RBM27: variants seen among roughly 807,000 people sequenced by gnomAD.
RBM27 encodes RNA-binding protein 27.
A neutral mutation model predicts 135.3 loss-of-function variants in RBM27; 22 were observed. The ratio of observed to expected loss-of-function variants is 0.16; its 90% CI spans 0.12 to 0.23. The LOEUF (loss-of-function observed/expected upper bound fraction) is 0.23, where lower values mean the gene tolerates loss of function less well. RBM27 is among the 10% of genes least tolerant of loss of function. The probability of loss-of-function intolerance (pLI) is 1.00; values close to 1 mark genes in which losing one functional copy is unlikely to be tolerated. For synonymous variants in RBM27, 481 were observed against 442.4 expected (o/e 1.09, Z -1.10); for missense variants, 1,009 against 1,281.0 (o/e 0.79, Z 3.24).
At chr5:146,220,904 G>T (rs1756431586) in intron 2 of RBM27, among the ~76,000 whole-genome samples, 1 of 152,072 alleles carries the variant, frequency 6.6e-6, no homozygotes, top group Non-Finnish European at 1.5e-5. Flanking sequence ...AGACGTCCAA[G>T]AATTCTTTGT....
At chr5:146,269,169 T>C in intron 15 of RBM27, 38 bp from the exon 16 acceptor site, 1 of 1,474,564 alleles carries the variant, frequency 6.8e-7, no homozygotes, top group Non-Finnish European at 9.4e-7. Context: ...TGGTGGCAAA[T>C]TACATTATCT....
At chr5:146,208,167 G>A (rs1388491284) in intron 1 of RBM27, among the ~76,000 whole-genome samples, 2 of 151,732 alleles carry the variant, frequency 1.3e-5, no homozygotes, top group African/African-American at 4.8e-5. Flanking sequence ...ACGTTGGTCA[G>A]GCTGGTCTCA....
chr5:146,249,426 C>T (rs1757782940), intron 8 of RBM27, among the ~76,000 whole-genome samples: 5 of 151,678 alleles, frequency 3.3e-5, no homozygotes, highest in Admixed American at 3.3e-4. Context: ...TGGCTCACGC[C>T]TGTAATTCCA....
intron 15 of RBM27, among the ~76,000 whole-genome samples, chr5:146,268,499 C>T (rs1373400564): frequency 6.6e-6 from 1 of 152,164 alleles, no homozygotes; most frequent in Admixed American, 6.5e-5. Context: ...GCCTCGGCTT[C>T]CCAAAGTGCT....
chr5:146,213,074 A>G (rs1408328087), intron 1 of RBM27, among the ~76,000 whole-genome samples: 1 of 151,808 alleles, frequency 6.6e-6, no homozygotes, highest in Non-Finnish European at 1.5e-5. Flanking sequence ...TCATAAGTGT[A>G]ACTACTGGTC....
At chr5:146,239,671 G>T (rs1184648558) in intron 8 of RBM27, among the ~76,000 whole-genome samples, 1 of 151,102 alleles carries the variant, frequency 6.6e-6, no homozygotes, top group African/African-American at 2.4e-5. Flanking sequence ...GTAGAGATGG[G>T]GTTTTGTTAT....
chr5:146,204,854 A>T (rs1755557048), intron 1 of RBM27, among the ~76,000 whole-genome samples: 1 of 152,100 alleles, frequency 6.6e-6, no homozygotes, highest in African/African-American at 2.4e-5. Context: ...TAGAAATGTT[A>T]TTGGGAGGCT....
chr5:146,204,506 C>T (rs1344765404), intron 1 of RBM27, among the ~76,000 whole-genome samples: 1 of 146,156 alleles, frequency 6.8e-6, no homozygotes, highest in Non-Finnish European at 1.5e-5. Flanking sequence ...CTTGATAGTG[C>T]TAGGGGAACT....
At position 146,251,784 on chromosome 5, in the gene RBM27, G is replaced by A; in HGVS notation, c.1353G>A (p.Leu451=). Reference sequence around the variant, plus strand: ...TTCAGTTGGGGACACCGCCTCCTCTGTTGGCAGCTCGTTTGGTGCCACCTC... The same window carrying A: ...TTCAGTTGGGGACACCGCCTCCTCTATTGGCAGCTCGTTTGGTGCCACCTC... ...ERLQLGTPPP[L]LAARLVPPRN... is the part of the protein sequence containing the mutation. Residue 451 remains leucine (L), a synonymous_variant, in exon 9 of 21, where the codon CTG becomes CTA. Transcript: ENST00000265271. 6.2e-7 allele frequency: 1 copy of A among 1,613,750 alleles called. No homozygotes were observed.
chr5:146,234,870 G>GA lies in RBM27; in HGVS notation c.1144+1133dup, dbSNP rs559650834. Among the ~76,000 whole-genome samples the GA allele has an allele frequency of 3.1e-3, 465 of 150,652 alleles. 4 individuals carry two copies. Among genetic ancestry groups the GA allele is most frequent in the African/African-American group, 0.011 (449 of 41,020 alleles). ...GCAAGATGGCGAAACCCCATCTCTA[G>GA]AAAAAATACAAAAATTAGCCAGGCA... On this transcript the variant is annotated intron_variant, in intron 7 of 20. Coordinates refer to ENST00000265271, the MANE Select transcript of RBM27 (RefSeq NM_018989.2).
chr5:146,215,357 G>A (rs1756143944), intron 1 of RBM27, among the ~76,000 whole-genome samples: 1 of 152,102 alleles, frequency 6.6e-6, no homozygotes, highest in South Asian at 2.1e-4. Context: ...GCCGATATCT[G>A]GGTTTCTTAA....
chr5:146,208,962 T>C (rs1349956440), intron 1 of RBM27, among the ~76,000 whole-genome samples: 1 of 152,234 alleles, frequency 6.6e-6, no homozygotes, highest in Non-Finnish European at 1.5e-5. Flanking sequence ...TCTGGACAAT[T>C]TGTCTGTCTT....
intron 2 of RBM27, among the ~76,000 whole-genome samples, chr5:146,219,872 TTTTA>T (rs1228734974): frequency 6.6e-6 from 1 of 152,116 alleles, no homozygotes; most frequent in African/African-American, 2.4e-5. Flanking sequence ...TATTTTTCTT[TTTTA>T]TTTATTTATT....
At chr5:146,212,190 G>A (rs916800478) in intron 1 of RBM27, among the ~76,000 whole-genome samples, 5 of 151,874 alleles carry the variant, frequency 3.3e-5, no homozygotes, top group African/African-American at 1.2e-4. Flanking sequence ...CAAGTAACTG[G>A]GATTACAGGC....
intron 14 of RBM27, among the ~76,000 whole-genome samples, chr5:146,265,877 C>G (rs1209503284): frequency 6.6e-6 from 1 of 152,108 alleles, no homozygotes; most frequent in Non-Finnish European, 1.5e-5. Flanking sequence ...TACCTGTAGT[C>G]CTGCATTTGA....
intron 10 of RBM27, among the ~76,000 whole-genome samples, chr5:146,257,903 G>A (rs1758184511): frequency 6.6e-6 from 1 of 151,640 alleles, no homozygotes; most frequent in Non-Finnish European, 1.5e-5. Flanking sequence ...CACAACCTCC[G>A]TCTCCTGGGT....
rs1348586710 is a variant in RBM27 at position 146,260,858 on chromosome 5, A to G, written c.1853A>G (p.Asn618Ser). The change falls in exon 12 of 21, where the codon AAT becomes AGT. Residue 618 changes from asparagine (N) to serine (S), a missense_variant. Coordinates refer to ENST00000265271, the MANE Select transcript of RBM27 (RefSeq NM_018989.2). ...GAATTGAACAACATTACCAAGCTCA[A>G]TGAACACTTCAGCAAATTTGGAACT... Reference protein sequence around the residue: ...PQELNNITKLNEHFSKFGTIV... With the variant: ...PQELNNITKLSEHFSKFGTIV... The G allele has an allele frequency of 3.1e-6, 5 of 1,613,658 alleles. No individual in the cohort carries two copies. Among genetic ancestry groups the G allele is most frequent in the Non-Finnish European group, 3.4e-6 (4 of 1,179,912 alleles).
chr5:146,243,896 G>A (rs1214743761), intron 8 of RBM27, among the ~76,000 whole-genome samples: 1 of 152,052 alleles, frequency 6.6e-6, no homozygotes, highest in Non-Finnish European at 1.5e-5. Context: ...GTTGGAGTCT[G>A]CTCAGTGTTA....
In RBM27 at chr5:146,255,092, G is replaced by A; in HGVS notation, c.1594G>A (p.Ala532Thr). The change falls in exon 10 of 21, where the codon GCT becomes ACT. Residue 532 changes from alanine (A) to threonine (T), a missense_variant and splice_region_variant. Transcript: ENST00000265271. ...TSGDMDVNPR[A>T]ANIVIQTEPP... is the part of the protein sequence containing the mutation. ...TGGAGATATGGATGTAAATCCAAGA[G>A]GTGAGAATACCTTGAACTTTTTCTG... 6.2e-7 allele frequency: 1 copy of A among 1,609,312 alleles called. No individual in the cohort carries two copies. Among genetic ancestry groups the A allele is most frequent in the Non-Finnish European group, 8.5e-7 (1 of 1,177,336 alleles).
Sources: gnomAD v4.1 joint callset for allele counts (sites outside exome capture counted in the v4.1 genomes callset) on GRCh38, gnomAD v4.1.1 for gene constraint, MANE v1.5 for transcripts, NCBI Gene and HGNC (gene_info 2026-07-23, HGNC 2026-07-21) for gene names.